Variants in MYBPC2 observed in about 807,000 individuals in gnomAD.
MYBPC2 encodes myosin binding protein C2.
Under a neutral mutation model 137.0 loss-of-function variants are expected in MYBPC2, and 122 were observed. The observed-to-expected ratio is 0.89, with a 90% CI of 0.77 to 1.03. The LOEUF is 1.03. MYBPC2 is among the 50% of genes least tolerant of loss of function. The pLI is 0.00. For synonymous variants in MYBPC2, 626 were observed against 612.3 expected, an observed-to-expected ratio of 1.02 and a Z score of -0.33; for missense variants, 1,500 against 1,534.4, an observed-to-expected ratio of 0.98 and a Z score of 0.37.
At chr19:50,459,917 G>A in intron 23 of MYBPC2, 123 bp from the exon 24 acceptor site, 1 of 1,402,376 alleles carries the variant, frequency 7.1e-7, no homozygotes, top group Non-Finnish European at 9.8e-7. Context: ...GCCATAGGCA[G>A]GAATGGGAAT....
At chr19:50,448,540 C>T in intron 13 of MYBPC2, 150 bp downstream of exon 13, 1 of 1,066,152 alleles carries the variant, frequency 9.4e-7, no homozygotes, top group African/African-American at 1.6e-5. Flanking sequence ...GCGATCTCAG[C>T]TCACTGCAAC....
In MYBPC2 at chr19:50,445,059, T is replaced by C. The variant is rs974152148; in HGVS notation, c.1134-821T>C. Among the ~76,000 whole-genome samples, 2 of 152,234 alleles carry C rather than the reference T, an allele frequency of 1.3e-5. 1 individual carries two copies. The highest frequency in any genetic ancestry group is 6.8e-3 in the Middle Eastern group (2 of 294). ...ACATATAAAAGTTCCATTTTGAGAC[T>C]GGCTTGAAAGGAGCAGTAATGGATG... On this transcript the variant is annotated intron_variant, in intron 11 of 27. Transcript: ENST00000357701.
chr19:50,448,524 A>G (rs1329401770), intron 13 of MYBPC2, 134 bp downstream of exon 13: 1 of 1,221,450 alleles, frequency 8.2e-7, no homozygotes, highest in Non-Finnish European at 1.1e-6. Context: ...GCTAGAGTGC[A>G]ATGGCGCGAT....
At chr19:50,462,765 C>T (rs535473842) in intron 26 of MYBPC2, among the ~76,000 whole-genome samples, 2 of 151,496 alleles carry the variant, frequency 1.3e-5, no homozygotes, top group Non-Finnish European at 2.9e-5. Context: ...TTAGTAGAGA[C>T]GGCGTTTTGC....
At position 50,436,136 on chromosome 19, in the gene MYBPC2, G is replaced by T; in HGVS notation, c.321G>T (p.Lys107Asn). ...GSKSGARFSF[K>N]ESHNSASNVY... Reference sequence around the variant, plus strand: ...AGAGTGGCGCCCGCTTCTCCTTCAAGGAGTCCCACAACTCCGCCAGCAATG... The same window carrying T: ...AGAGTGGCGCCCGCTTCTCCTTCAATGAGTCCCACAACTCCGCCAGCAATG... The change falls in exon 4 of 28, where the codon AAG (lysine) becomes AAT (asparagine). Residue 107 changes from lysine (K) to asparagine (N), a missense_variant. Lys to Asn is a moderately conservative substitution (Grantham distance 94). Transcript: ENST00000357701. 1 of 1,582,492 alleles carries T rather than the reference G, an allele frequency of 6.3e-7. No homozygotes were observed. The highest frequency in any genetic ancestry group is 8.6e-7 in the Non-Finnish European group (1 of 1,164,668).
Position 50,459,019 on chromosome 19 carries a change from G to T in MYBPC2, c.2595+13G>T. The T allele has an allele frequency of 1.9e-6, 3 of 1,603,080 alleles. No individual in the cohort carries two copies. Among genetic ancestry groups the T allele is most frequent in the South Asian group, 2.2e-5 (2 of 89,314 alleles). On this transcript the variant is annotated intron_variant, in intron 22 of 27. Coordinates refer to ENST00000357701, the MANE Select transcript of MYBPC2 (RefSeq NM_004533.4). ...CGTCCCCTTCCAGGTCAGGGGAGCGGGGTCACGGGCCGGGGGTCCGCTCTC... is the reference window on the plus strand; with the variant it reads ...CGTCCCCTTCCAGGTCAGGGGAGCGTGGTCACGGGCCGGGGGTCCGCTCTC...
At chr19:50,437,623 A>C in intron 6 of MYBPC2, 36 bp from the exon 7 acceptor site, 1 of 1,595,804 alleles carries the variant, frequency 6.3e-7, no homozygotes, top group Non-Finnish European at 8.5e-7. Context: ...GTGAATCTGA[A>C]GGGTCAAGAC....
In MYBPC2 at chr19:50,441,600, G is replaced by A. The variant is rs138233219; in HGVS notation, c.769+524G>A. On this transcript the variant is annotated intron_variant, in intron 8 of 27. Coordinates refer to ENST00000357701, the MANE Select transcript of MYBPC2 (RefSeq NM_004533.4). Reference sequence around the variant, plus strand: ...CACGCCTGTAATCTCAGCACTTTGGGAGGCTGAGGTGCGCAGATCACCTGA... The same window carrying A: ...CACGCCTGTAATCTCAGCACTTTGGAAGGCTGAGGTGCGCAGATCACCTGA... Among the ~76,000 whole-genome samples the A allele has an allele frequency of 5.9e-3, 905 of 152,242 alleles. 4 individuals carry two copies. Among genetic ancestry groups the A allele is most frequent in the African/African-American group, 0.02 (824 of 41,558 alleles).
Position 50,435,110 on chromosome 19 carries a change from G to A in MYBPC2, c.20-51G>A, listed in dbSNP as rs1393597002. ...CTGGACTCCTGCGTCTGAGGGAGGGGCATGGGTGTGCAGACCGCATGCTCA... is the reference window on the plus strand; with the variant it reads ...CTGGACTCCTGCGTCTGAGGGAGGGACATGGGTGTGCAGACCGCATGCTCA... On this transcript the variant is annotated intron_variant, in intron 1 of 27. Coordinates refer to ENST00000357701, the MANE Select transcript of MYBPC2 (RefSeq NM_004533.4). This position sits in a 1 kb window ranked among gnomAD's most constrained non-coding sequence, Gnocchi z 4.8. 5 of 748,382 alleles carry A rather than the reference G, an allele frequency of 6.7e-6. No individual in the cohort carries two copies. The highest frequency in any genetic ancestry group is 1.2e-5 in the Non-Finnish European group (5 of 410,720). 46.4% of individuals were successfully genotyped at this position (748,382 alleles called of 1,614,324 possible). A position where few individuals can be genotyped will look rare whatever the true frequency, so the allele number is the denominator to read the frequency against.
At chr19:50,440,532 G>A (rs957761665) in intron 7 of MYBPC2, among the ~76,000 whole-genome samples, 2 of 151,640 alleles carry the variant, frequency 1.3e-5, no homozygotes, top group Non-Finnish European at 2.9e-5. Context: ...GGGTGGTGGC[G>A]TGAGCCTGTA....
Position 50,459,160 on chromosome 19 carries a change from A to T in MYBPC2, c.2645A>T (p.Asp882Val). ...TGGACCAAGGGCGGGGCCCCGCTGGACACCTCCCGCGTGCACGTGCGGACC... is the reference window on the plus strand; with the variant it reads ...TGGACCAAGGGCGGGGCCCCGCTGGTCACCTCCCGCGTGCACGTGCGGACC... ...VVWTKGGAPL[D>V]TSRVHVRTSD... Residue 882 changes from aspartate (D) to valine (V), a missense_variant, in exon 23 of 28, where the codon GAC (aspartate) becomes GTC (valine). Asp to Val is a radical substitution (Grantham distance 152). Transcript: ENST00000357701. 1 of 1,599,368 alleles carries T rather than the reference A, an allele frequency of 6.3e-7. No homozygotes were observed. The highest frequency in any genetic ancestry group is 1.7e-4 in the Middle Eastern group (1 of 6,030).
chr19:50,435,727 T>TC lies in MYBPC2; in HGVS notation c.110-45dup. On this transcript the variant is annotated intron_variant, in intron 2 of 27. Coordinates refer to ENST00000357701, the MANE Select transcript of MYBPC2 (RefSeq NM_004533.4). The surrounding 1 kb of genome is among the most constrained non-coding windows in gnomAD (Gnocchi z 4.8). ...TTCCCCAAAGCGGCCCACTGTCCCC[T>TC]CCCCAGCCTATCTCAGACCTCCTCA... 1.3e-6 allele frequency: 2 copies of TC among 1,505,200 alleles called. No homozygotes were observed. The highest frequency in any genetic ancestry group is 1.8e-6 in the Non-Finnish European group (2 of 1,107,198). 93.2% of individuals were successfully genotyped at this position (1,505,200 alleles called of 1,614,324 possible).
At chr19:50,437,289 T>C (rs1252173951) in intron 5 of MYBPC2, among the ~76,000 whole-genome samples, 184 bp from the exon 6 acceptor site, 1 of 151,878 alleles carries the variant, frequency 6.6e-6, no homozygotes, top group Non-Finnish European at 1.5e-5. Flanking sequence ...GCTTGGCAGC[T>C]GGGGAAATGA....
chr19:50,459,287 C>G lies in MYBPC2; in HGVS notation c.2772C>G (p.Thr924=). The change falls in exon 23 of 28, where the codon ACC becomes ACG. Residue 924 remains threonine, a synonymous_variant. Transcript: ENST00000357701. Reference sequence around the variant, plus strand: ...TCGAGAACATGAAGGACACCGCCACCATCCGCATCCGCGTTGTGGGTGCGC... The same window carrying G: ...TCGAGAACATGAAGGACACCGCCACGATCCGCATCCGCGTTGTGGGTGCGC... ...VQIENMKDTA[T]IRIRVVEKAG... The G allele has an allele frequency of 6.2e-7, 1 of 1,606,314 alleles. No homozygotes were observed. Among genetic ancestry groups the G allele is most frequent in the Non-Finnish European group, 8.5e-7 (1 of 1,176,850 alleles).
Position 50,448,224 on chromosome 19 carries a change from G to C in MYBPC2, c.1307-1G>C. The C allele has an allele frequency of 6.2e-7, 1 of 1,612,980 alleles. No individual in the cohort carries two copies. Among genetic ancestry groups the C allele is most frequent in the Non-Finnish European group, 8.5e-7 (1 of 1,179,284 alleles). ...CTCCTTGTCTTTCTCTCCCTGACCA[G>C]AGAAACAGCTGGAGGTCCTGCAGGA... On this transcript the variant is annotated splice_acceptor_variant, in intron 12 of 27. Transcript: ENST00000357701. LOFTEE classifies it high-confidence loss of function.
At chr19:50,433,415 T>TA (rs58590785) in intron 1 of MYBPC2, among the ~76,000 whole-genome samples, 8,130 of 151,248 alleles carry the variant, frequency 0.054, 730 homozygotes, top group African/African-American at 0.19. Context: ...GTTTTTGGTT[T>TA]TTTTTTTGAG....
chr19:50,447,786 GGT>G (rs993071748), intron 12 of MYBPC2, among the ~76,000 whole-genome samples: 2 of 152,036 alleles, frequency 1.3e-5, no homozygotes, highest in Non-Finnish European at 2.9e-5. Flanking sequence ...GTACCCGGGG[GGT>G]GGAGTTTTCA....
chr19:50,451,506 G>T (rs1392702730), intron 15 of MYBPC2, among the ~76,000 whole-genome samples, 197 bp downstream of exon 15: 1 of 147,954 alleles, frequency 6.8e-6, no homozygotes, highest in South Asian at 2.2e-4. Flanking sequence ...CAGACGGGGT[G>T]GGGGCTATCG....
At position 50,441,172 on chromosome 19, in the gene MYBPC2, G is replaced by A. The variant is rs142071159; in HGVS notation, c.769+96G>A. The stretch of plus-strand genomic sequence containing the variant: ...TGGACCCTGGACCTATCTTTTCGAG[G>A]TCCCAATGAGGTAGGAGGCAAGACC... On this transcript the variant is annotated intron_variant, in intron 8 of 27. Coordinates refer to ENST00000357701, the MANE Select transcript of MYBPC2 (RefSeq NM_004533.4). 1.4e-3 allele frequency: 1,900 copies of A among 1,325,070 alleles called. 25 individuals carry two copies. The African/African-American group carries it at 0.025, about 17-fold the overall frequency. The allele number at this position is 1,325,070 out of a possible 1,614,324, so 82.1% of individuals were successfully genotyped here.
Sources: allele counts gnomAD v4.1 joint callset (sites outside exome capture counted in the v4.1 genomes callset), GRCh38; gene constraint gnomAD v4.1.1; non-coding constraint Gnocchi (gnomAD v3.1); transcripts MANE v1.5; gene names NCBI Gene and HGNC (gene_info 2026-07-23, HGNC 2026-07-21).